Variants in SHOC1 observed in about 807,000 individuals in gnomAD.
SHOC1 encodes the protein protein shortage in chiasmata 1 ortholog.
Under a neutral mutation model 179.2 loss-of-function variants are expected in SHOC1, and 136 were observed. The ratio of observed to expected loss-of-function variants is 0.76; its 90% CI spans 0.66 to 0.87. The LOEUF (loss-of-function observed/expected upper bound fraction) is 0.87, where lower values mean the gene tolerates loss of function less well. SHOC1 is among the 40% of genes least tolerant of loss of function. SHOC1 has a pLI of 0.00. For missense variants in SHOC1, 1,538 were observed against 1,700.8 expected, an observed-to-expected ratio of 0.90 and a Z score of 1.68; for synonymous variants, 489 against 586.6, an observed-to-expected ratio of 0.83 and a Z score of 2.41.
At chr9:111,705,200 T>G in intron 21 of SHOC1, 47 bp downstream of exon 21, 3 of 527,920 alleles carry the variant, frequency 5.7e-6, no homozygotes, top group Non-Finnish European at 6.1e-6. Context: ...CACACACATA[T>G]ATATATAATG....
chr9:111,695,487 T>C (rs1831648068), intron 24 of SHOC1, among the ~76,000 whole-genome samples: 1 of 152,166 alleles, frequency 6.6e-6, no homozygotes, highest in African/African-American at 2.4e-5. Context: ...ATATAAACTT[T>C]ATTTTAACCC....
chr9:111,758,880 G>A (rs759885716), intron 5 of SHOC1, 32 bp from the exon 6 acceptor site: 3 of 1,293,220 alleles, frequency 2.3e-6, no homozygotes, highest in Non-Finnish European at 3.2e-6. Context: ...AAAGGAATAA[G>A]AAAAAAACAA....
intron 12 of SHOC1, among the ~76,000 whole-genome samples, chr9:111,730,617 A>G (rs1833521721): frequency 6.6e-6 from 1 of 152,262 alleles, no homozygotes. Flanking sequence ...ATTGTAAGCC[A>G]TGCTGTAAAC....
intron 12 of SHOC1, 82 bp downstream of exon 12, chr9:111,738,198 A>G (rs763408096): frequency 2.9e-5 from 37 of 1,297,556 alleles, no homozygotes; most frequent in Non-Finnish European, 3.9e-5. Context: ...GATTTTCCCA[A>G]TTACCTAGAG....
chr9:111,791,810 A>T (rs866416154), intron 1 of SHOC1, among the ~76,000 whole-genome samples: 13 of 143,490 alleles, frequency 9.1e-5, no homozygotes, highest in Admixed American at 3.5e-4. Context: ...GGTCTTGAGA[A>T]TAACCATATT....
At chr9:111,692,617 G>A (rs540471472) in intron 26 of SHOC1, 106 bp from the exon 27 acceptor site, 1 of 686,566 alleles carries the variant, frequency 1.5e-6, no homozygotes, top group East Asian at 2.9e-5. Flanking sequence ...TCTATTCATA[G>A]ATATTACATT....
intron 5 of SHOC1, among the ~76,000 whole-genome samples, chr9:111,769,975 G>GTTTTTTTTTTC: frequency 1.1e-5 from 1 of 87,806 alleles, no homozygotes; most frequent in Non-Finnish European, 2.2e-5. Flanking sequence ...TTTATCTTCT[G>GTTTTTTTTTTC]TTTTTTTTTT....
intron 1 of SHOC1, among the ~76,000 whole-genome samples, chr9:111,791,723 G>A (rs771309356): frequency 7.0e-4 from 106 of 152,096 alleles, no homozygotes; most frequent in Non-Finnish European, 1.2e-3. Flanking sequence ...TGCAAAAGAG[G>A]TTGAAATTTA....
chr9:111,692,877 G>C (rs1010713177), intron 26 of SHOC1, among the ~76,000 whole-genome samples: 1 of 152,206 alleles, frequency 6.6e-6, no homozygotes, highest in African/African-American at 2.4e-5. Flanking sequence ...TTAAGGGTAT[G>C]TTAGGACTGT....
intron 15 of SHOC1, among the ~76,000 whole-genome samples, chr9:111,720,519 A>G (rs185164110): frequency 9.2e-5 from 14 of 152,238 alleles, no homozygotes; most frequent in Non-Finnish European, 1.8e-4. Flanking sequence ...AAGATTTGTC[A>G]TTATTTCTTC....
chr9:111,775,989 A>C lies in SHOC1; in HGVS notation c.258-14T>G. ...GTAATTGTTTTTCTGTGACAATATAAAATTACTAATGTTATGTATGTCCTA... is the reference window on the plus strand; with the variant it reads ...GTAATTGTTTTTCTGTGACAATATACAATTACTAATGTTATGTATGTCCTA... On this transcript the variant is annotated splice_polypyrimidine_tract_variant and intron_variant, in intron 4 of 27. Coordinates refer to ENST00000682961, the MANE Select transcript of SHOC1 (RefSeq NM_001378211.1). The C allele has an allele frequency of 1.9e-6, 3 of 1,600,698 alleles. No homozygotes were observed. Among genetic ancestry groups the C allele is most frequent in the Non-Finnish European group, 2.6e-6 (3 of 1,169,482 alleles).
At chr9:111,762,129 T>C (rs1835163105) in intron 5 of SHOC1, among the ~76,000 whole-genome samples, 1 of 150,652 alleles carries the variant, frequency 6.6e-6, no homozygotes, top group African/African-American at 2.4e-5. Flanking sequence ...AAAACTGCAG[T>C]CATTAAAAGC....
At chr9:111,781,072 C>T in intron 3 of SHOC1, 55 bp from the exon 4 acceptor site, 1 of 1,183,560 alleles carries the variant, frequency 8.4e-7, no homozygotes, top group Non-Finnish European at 1.2e-6. Context: ...ACACTTAATT[C>T]AAGGAAGCCA....
intron 7 of SHOC1, among the ~76,000 whole-genome samples, chr9:111,757,044 T>G (rs1382087305): frequency 6.6e-6 from 1 of 152,202 alleles, no homozygotes; most frequent in Non-Finnish European, 1.5e-5. Flanking sequence ...GGAAACCCCT[T>G]AAGTGCTTTA....
At chr9:111,724,935 GT>G (rs201179817) in intron 13 of SHOC1, among the ~76,000 whole-genome samples, 1,584 of 151,132 alleles carry the variant, frequency 0.01, 28 homozygotes, top group African/African-American at 0.037. Context: ...ATAAATGTTA[GT>G]TTTTTTTTCT....
intron 24 of SHOC1, among the ~76,000 whole-genome samples, chr9:111,695,051 C>T (rs909044434): frequency 1.3e-5 from 2 of 151,230 alleles, no homozygotes; most frequent in African/African-American, 4.9e-5. Context: ...TGTTTCCTGT[C>T]TGACACTGTT....
At chr9:111,776,689 T>C (rs1835846390) in intron 4 of SHOC1, among the ~76,000 whole-genome samples, 1 of 152,228 alleles carries the variant, frequency 6.6e-6, no homozygotes, top group African/African-American at 2.4e-5. Context: ...AATACTTCTC[T>C]GTTAGGCCAC....
rs1334250052 is a variant in SHOC1, at chr9:111,758,097, A to G, written c.695T>C (p.Ile232Thr). The change falls in exon 7 of 28, where the codon ATA becomes ACA. Residue 232 changes from isoleucine (I) to threonine (T), a missense_variant. Physicochemically the swap from Ile to Thr is moderately conservative, Grantham distance 89 (BLOSUM62 -1). Coordinates refer to ENST00000682961, the MANE Select transcript of SHOC1 (RefSeq NM_001378211.1). ...CAGTATTACAACCTCATTTAAACAT[A>G]TTGTATCTTCTAGTTTCTCTTGACA... The part of the protein sequence containing the change: ...NFCQEKLEDT[I>T]CLNEPSSFLI... 6.6e-7 allele frequency: 1 copy of G among 1,518,170 alleles called. No homozygotes were observed. Among genetic ancestry groups the G allele is most frequent in the East Asian group, 2.3e-5 (1 of 44,042 alleles). 94.0% of individuals were successfully genotyped at this position (1,518,170 alleles called of 1,614,324 possible).
chr9:111,746,127 A>C (rs909936993), intron 10 of SHOC1, 107 bp downstream of exon 10: 4 of 642,826 alleles, frequency 6.2e-6, no homozygotes, highest in African/African-American at 5.5e-5. Context: ...CTAGCTCTTA[A>C]ATTTTTTCAT....
Sources: allele counts gnomAD v4.1 joint callset (sites outside exome capture counted in the v4.1 genomes callset), GRCh38; gene constraint gnomAD v4.1.1; transcripts MANE v1.5; gene names NCBI Gene and HGNC (gene_info 2026-07-23, HGNC 2026-07-21).